GRIA4: variants seen among roughly 807,000 people sequenced by gnomAD.
The protein encoded by GRIA4 is glutamate ionotropic receptor AMPA type subunit 4.
A neutral mutation model predicts 104.0 loss-of-function variants in GRIA4; 34 were observed. The observed-to-expected ratio is 0.33, with a 90% CI of 0.25 to 0.44. GRIA4 has a LOEUF of 0.44. Among genes scored for constraint, GRIA4 ranks in the 20% least tolerant of loss-of-function variants. The probability of loss-of-function intolerance (pLI) is 1.00; values close to 1 mark genes in which losing one functional copy is unlikely to be tolerated. For synonymous variants in GRIA4, 386 were observed against 381.9 expected (o/e 1.01, Z -0.13); for missense variants, 750 against 1,096.5 (o/e 0.68, Z 4.46).
intron 7 of GRIA4, among the ~76,000 whole-genome samples, chr11:105,902,702 G>A (rs1254638783): frequency 6.6e-6 from 1 of 152,162 alleles, no homozygotes; most frequent in Non-Finnish European, 1.5e-5. Context: ...AAATCAAGGA[G>A]ATCATCCTCC....
intron 14 of GRIA4, among the ~76,000 whole-genome samples, chr11:105,937,771 A>T (rs569558517): frequency 6.6e-6 from 1 of 152,208 alleles, no homozygotes; most frequent in South Asian, 2.1e-4. Context: ...CTGAAAAAAA[A>T]TAAAAATAAA....
At chr11:105,927,490 C>CA (rs747660330) in intron 13 of GRIA4, among the ~76,000 whole-genome samples, 1 of 152,026 alleles carries the variant, frequency 6.6e-6, no homozygotes, top group Admixed American at 6.6e-5. Context: ...CTCTCTAGGA[C>CA]ATTGTATGGC....
chr11:105,827,590 A>T (rs1040607186), intron 4 of GRIA4, among the ~76,000 whole-genome samples: 26 of 152,006 alleles, frequency 1.7e-4, no homozygotes, highest in Admixed American at 1.7e-3. Context: ...TACCACCGTC[A>T]TTCATAAAAG....
At chr11:105,904,031 ACTG>A (rs1421218544) in intron 8 of GRIA4, 50 bp downstream of exon 8, 1 of 1,289,358 alleles carries the variant, frequency 7.8e-7, no homozygotes, top group Admixed American at 2.1e-5. Flanking sequence ...TCTTGTTTTA[ACTG>A]AATGTTCAAA....
chr11:105,966,824 T>C (rs1858397833), intron 14 of GRIA4, among the ~76,000 whole-genome samples: 1 of 152,172 alleles, frequency 6.6e-6, no homozygotes, highest in South Asian at 2.1e-4. Context: ...AAACAGTTCA[T>C]GGATGGGAAA....
chr11:105,634,156 G>A (rs1217657994), intron 3 of GRIA4, among the ~76,000 whole-genome samples: 3 of 151,938 alleles, frequency 2.0e-5, no homozygotes, highest in Non-Finnish European at 4.4e-5. Context: ...GGACAAGCCT[G>A]GGCAACATGG....
At chr11:105,687,618 A>G (rs1565464183) in intron 3 of GRIA4, among the ~76,000 whole-genome samples, 1 of 152,210 alleles carries the variant, frequency 6.6e-6, no homozygotes, top group African/African-American at 2.4e-5. Context: ...ATGGAGAATG[A>G]CAGTGCTGTC....
intron 11 of GRIA4, 151 bp from the exon 12 acceptor site, chr11:105,924,248 G>T (rs1947646564): frequency 2.0e-6 from 1 of 502,274 alleles, no homozygotes; most frequent in Admixed American, 3.0e-5. Flanking sequence ...ATTCATGTTT[G>T]TGTCTATCAC....
intron 9 of GRIA4, among the ~76,000 whole-genome samples, chr11:105,907,668 C>A (rs1010777520): frequency 1.3e-5 from 2 of 152,162 alleles, no homozygotes; most frequent in Non-Finnish European, 2.9e-5. Flanking sequence ...TGCTCCAGAG[C>A]TGCATGGTTT....
chr11:105,801,188 G>A (rs372799608), intron 4 of GRIA4, among the ~76,000 whole-genome samples: 1 of 151,338 alleles, frequency 6.6e-6, no homozygotes, highest in Non-Finnish European at 1.5e-5. Flanking sequence ...AAAAAAGGAA[G>A]AAACTGTATT....
chr11:105,748,545 G>T (rs1939806395), intron 3 of GRIA4, among the ~76,000 whole-genome samples: 1 of 152,092 alleles, frequency 6.6e-6, no homozygotes, highest in Admixed American at 6.6e-5. Flanking sequence ...AGCACGCCCT[G>T]CTAATTTTTT....
chr11:105,745,592 A>T (rs367811493), intron 3 of GRIA4, among the ~76,000 whole-genome samples: 2 of 152,164 alleles, frequency 1.3e-5, no homozygotes, highest in Admixed American at 6.6e-5. Context: ...CACAATCCTC[A>T]TAAGTTTACC....
chr11:105,651,404 T>C lies in GRIA4; in HGVS notation c.247+38970T>C, dbSNP rs560490132. On this transcript the variant is annotated intron_variant, in intron 3 of 16. Transcript: ENST00000282499. Reference sequence around the variant, plus strand: ...ATATTTATGAAAATACTCAGATATATCAACTCAGAAACTTTGGTGAAGAAA... The same window carrying C: ...ATATTTATGAAAATACTCAGATATACCAACTCAGAAACTTTGGTGAAGAAA... Among the ~76,000 whole-genome samples the C allele has an allele frequency of 3.9e-5, 6 of 152,256 alleles. No homozygotes were observed. The East Asian group carries it at 1.2e-3, about 29-fold the overall frequency.
rs978887301 is a variant in GRIA4 at position 105,645,373 on chromosome 11, A to G, written c.247+32939A>G. 3.9e-5 allele frequency among the ~76,000 whole-genome samples: 6 copies of G among 152,316 alleles called. No individual in the cohort carries two copies. The East Asian group carries it at 1.2e-3, about 29-fold the overall frequency. On this transcript the variant is annotated intron_variant, in intron 3 of 16. Coordinates refer to ENST00000282499, the MANE Select transcript of GRIA4 (RefSeq NM_000829.4). ...AGCAGAAATAACAAACCCAGAATGC[A>G]GCTGTCTCTTGCCTCAGGGCCTGCT...
intron 3 of GRIA4, among the ~76,000 whole-genome samples, chr11:105,678,383 T>C (rs190194134): frequency 1.2e-4 from 18 of 152,180 alleles, no homozygotes; most frequent in African/African-American, 4.3e-4. Context: ...TTTCAGAAGA[T>C]TAAAGAGGGA....
chr11:105,681,836 G>T (rs551783509), intron 3 of GRIA4, among the ~76,000 whole-genome samples: 2 of 152,136 alleles, frequency 1.3e-5, no homozygotes, highest in African/African-American at 4.8e-5. Flanking sequence ...GAGGTCAGGA[G>T]TTCAAAACCA....
chr11:105,912,209 T>C, intron 10 of GRIA4: 1 of 995,018 alleles, frequency 1.0e-6, no homozygotes. Flanking sequence ...TGGAATTATA[T>C]CACTCCATTT....
chr11:105,689,496 A>G (rs57646416), intron 3 of GRIA4, among the ~76,000 whole-genome samples: 4,062 of 152,266 alleles, frequency 0.027, 97 homozygotes, highest in African/African-American at 0.065. Flanking sequence ...ATTGAACTGA[A>G]TTATGGATAA....
At chr11:105,654,371 T>C (rs1463879226) in intron 3 of GRIA4, among the ~76,000 whole-genome samples, 3 of 151,478 alleles carry the variant, frequency 2.0e-5, no homozygotes, top group South Asian at 2.1e-4. Context: ...AAAAAAGGTA[T>C]GTAATGTAAC....
Sources: gnomAD v4.1 joint callset for allele counts (sites outside exome capture counted in the v4.1 genomes callset) on GRCh38, gnomAD v4.1.1 for gene constraint, MANE v1.5 for transcripts, NCBI Gene and HGNC (gene_info 2026-07-23, HGNC 2026-07-21) for gene names.